ANK3: variants seen among roughly 807,000 people sequenced by gnomAD.
ANK3 encodes ankyrin-3.
Under a neutral mutation model 370.9 loss-of-function variants are expected in ANK3, and 57 were observed. That is an observed-to-expected ratio of 0.15 (90% CI 0.12 to 0.19). The LOEUF (loss-of-function observed/expected upper bound fraction) is 0.19. ANK3 is among the 10% of genes least tolerant of loss of function. ANK3 has a pLI of 1.00. For synonymous variants in ANK3, 1,929 were observed against 1,946.3 expected, an observed-to-expected ratio of 0.99 and a Z score of 0.23; for missense variants, 4,439 against 5,302.1, an observed-to-expected ratio of 0.84 and a Z score of 5.06.
intron 1 of ANK3, among the ~76,000 whole-genome samples, chr10:60,643,509 T>TA (rs2078665232): frequency 1.5e-5 from 1 of 66,476 alleles, no homozygotes; most frequent in African/African-American, 6.5e-5. Flanking sequence ...TATATCTATC[T>TA]ATCTATCTAT....
chr10:60,373,386 T>G (rs1438085710), intron 1 of ANK3, among the ~76,000 whole-genome samples: 1 of 151,604 alleles, frequency 6.6e-6, no homozygotes, highest in Non-Finnish European at 1.5e-5. Context: ...ATCCTGGGAG[T>G]TGAAGAGAGA....
intron 1 of ANK3, among the ~76,000 whole-genome samples, chr10:60,680,959 G>C (rs779160577): frequency 2.6e-5 from 4 of 152,154 alleles, no homozygotes; most frequent in African/African-American, 9.7e-5. Context: ...ACAGTGCCTG[G>C]TACACATGAA....
intron 8 of ANK3, among the ~76,000 whole-genome samples, chr10:60,218,935 C>G (rs2096992193): frequency 6.6e-6 from 1 of 151,938 alleles, no homozygotes; most frequent in Non-Finnish European, 1.5e-5. Flanking sequence ...TAGGTCCAGT[C>G]TTTTTATGAA....
intron 1 of ANK3, among the ~76,000 whole-genome samples, chr10:60,340,992 C>G (rs970976723): frequency 8.5e-5 from 13 of 152,088 alleles, no homozygotes; most frequent in African/African-American, 2.9e-4. Flanking sequence ...GGACTCAAAC[C>G]CAGGGTTATT....
chr10:60,034,851 T>A (rs2074549804), intron 43 of ANK3, among the ~76,000 whole-genome samples: 1 of 152,236 alleles, frequency 6.6e-6, no homozygotes, highest in South Asian at 2.1e-4. Flanking sequence ...AAGACTTTTT[T>A]CTAAACATTA....
At chr10:60,085,610 CTTTTTTTTTTT>C (rs10601268) in intron 30 of ANK3, among the ~76,000 whole-genome samples, 3 of 109,922 alleles carry the variant, frequency 2.7e-5, no homozygotes, top group Admixed American at 2.0e-4. Flanking sequence ...GTCTCTTACT[CTTTTTTTTTTT>C]TTTTTTTTTT....
rs74884658 is a variant in ANK3, at chr10:60,375,888, C to T, written c.114+13537G>A. ...AAATATGCTTAGCATAAAATAAACC[C>T]TCATTTCTTCCAGGTGGACAAGGGA... is the stretch of plus-strand genomic sequence containing the variant. On this transcript the variant is annotated intron_variant, in intron 1 of 43. Coordinates refer to ENST00000280772, the MANE Select transcript of ANK3 (RefSeq NM_020987.5). Among the ~76,000 whole-genome samples the T allele has an allele frequency of 2.9e-3, 439 of 152,288 alleles. 2 individuals are homozygous for T. Among genetic ancestry groups the T allele is most frequent in the African/African-American group, 0.01 (416 of 41,536 alleles).
upstream of ANK3, among the ~76,000 whole-genome samples, chr10:60,393,972 G>A (rs1339008681): frequency 6.6e-6 from 1 of 151,728 alleles, no homozygotes; most frequent in Non-Finnish European, 1.5e-5. Context: ...CAGGGAGGGT[G>A]TGCCTCCTCA....
chr10:60,479,052 T>TA (rs1339130313), intron 2 of ANK3, among the ~76,000 whole-genome samples: 1 of 152,142 alleles, frequency 6.6e-6, no homozygotes, highest in African/African-American at 2.4e-5. Context: ...TACATGGAAC[T>TA]AAAGCCTCTT....
intron 2 of ANK3, among the ~76,000 whole-genome samples, chr10:60,611,759 A>G (rs2078204679): frequency 6.6e-6 from 1 of 151,066 alleles, no homozygotes; most frequent in Non-Finnish European, 1.5e-5. Flanking sequence ...GTCAAGTCAC[A>G]TTTACAGGCA....
At chr10:60,261,995 G>T (rs922698154) in intron 6 of ANK3, 38 bp from the exon 7 acceptor site, 1 of 1,556,042 alleles carries the variant, frequency 6.4e-7, no homozygotes, top group Non-Finnish European at 8.9e-7. Flanking sequence ...ATTGATTCCT[G>T]CCAGCCCCCT....
At chr10:60,415,086 A>G (rs1280104919) in intron 2 of ANK3, among the ~76,000 whole-genome samples, 1 of 152,160 alleles carries the variant, frequency 6.6e-6, no homozygotes, top group Non-Finnish European at 1.5e-5. Context: ...CAGCAGGAGA[A>G]AGAAAAACCA....
intron 4 of ANK3, among the ~76,000 whole-genome samples, chr10:60,278,469 G>A (rs1024471417): frequency 2.0e-5 from 3 of 152,028 alleles, no homozygotes; most frequent in Admixed American, 1.3e-4. Context: ...CCACCTCCTG[G>A]GAACAAGTGA....
intron 2 of ANK3, among the ~76,000 whole-genome samples, chr10:60,436,601 C>T (rs1225159961): frequency 1.3e-5 from 2 of 152,098 alleles, no homozygotes; most frequent in East Asian, 3.9e-4. Flanking sequence ...TTTGTATATC[C>T]TCTCTTGATA....
intron 1 of ANK3, among the ~76,000 whole-genome samples, chr10:60,696,014 T>A (rs1357371968): frequency 1.4e-5 from 2 of 147,880 alleles, no homozygotes; most frequent in African/African-American, 5.0e-5. Flanking sequence ...GCAAGACTAA[T>A]AAAGAAAAAA....
In ANK3 at chr10:60,521,100, TGCCTAGGAGAC is replaced by T. The variant is rs2076336385; in HGVS notation, c.96+94075_96+94085del. ...ATTTTGTCACAACATAAATAAATCA[TGCCTAGGAGAC>T]TAGGTTATTAATTATGGACCTTATT... On this transcript the variant is annotated intron_variant, in intron 2 of 43. Transcript: ENST00000373827. Among the ~76,000 whole-genome samples the T allele has an allele frequency of 2.6e-5, 4 of 152,120 alleles. No homozygotes were observed. In the South Asian group the frequency reaches 8.3e-4, roughly 32 times the overall value.
chr10:60,563,650 C>G (rs1350592451), intron 2 of ANK3, among the ~76,000 whole-genome samples: 1 of 152,082 alleles, frequency 6.6e-6, no homozygotes, highest in African/African-American at 2.4e-5. Context: ...CAGGTCAGGT[C>G]AGATTTTGCC....
intron 2 of ANK3, among the ~76,000 whole-genome samples, chr10:60,432,332 G>C (rs927933403): frequency 6.6e-6 from 1 of 152,138 alleles, no homozygotes; most frequent in African/African-American, 2.4e-5. Context: ...TAGAGGGCTC[G>C]TCTCTAAGGT....
chr10:60,528,552 C>G (rs1229845327), intron 2 of ANK3, among the ~76,000 whole-genome samples: 1 of 152,076 alleles, frequency 6.6e-6, no homozygotes. Flanking sequence ...AAAATATTTG[C>G]AGTTTTATAC....
Sources: allele counts gnomAD v4.1 joint callset (sites outside exome capture counted in the v4.1 genomes callset), GRCh38; gene constraint gnomAD v4.1.1; transcripts MANE v1.5; gene names NCBI Gene and HGNC (gene_info 2026-07-23, HGNC 2026-07-21).